The following CACNA1C variants were observed in gnomAD, a reference collection of about 807,000 sequenced individuals.
CACNA1C encodes the protein calcium voltage-gated channel subunit alpha1 C.
CACNA1C carries 30 observed loss-of-function variants against 229.0 expected under a neutral mutation model. The observed-to-expected ratio is 0.13, with a 90% CI of 0.10 to 0.18. The LOEUF is 0.18. Ranked by LOEUF, CACNA1C falls within the 10% of genes least tolerant of loss-of-function variation. The probability of loss-of-function intolerance (pLI) is 1.00; values close to 1 mark genes in which losing one functional copy is unlikely to be tolerated. For missense variants in CACNA1C, 1,658 were observed against 2,845.0 expected (o/e 0.58, Z 9.49); for synonymous variants, 1,114 against 1,132.5 (o/e 0.98, Z 0.33).
rs1273105848 is a variant in CACNA1C, at chr12:2,467,722, TC to T, written c.757+10018del. Among the ~76,000 whole-genome samples, 1 of 152,068 alleles carries T rather than the reference TC, an allele frequency of 6.6e-6. No individual in the cohort carries two copies. Among genetic ancestry groups the T allele is most frequent in the African/African-American group, 2.4e-5 (1 of 41,408 alleles). On this transcript the variant is annotated intron_variant, in intron 5 of 46. Coordinates refer to ENST00000399655, the MANE Select transcript of CACNA1C (RefSeq NM_000719.7). This position sits in a 1 kb window ranked among gnomAD's most constrained non-coding sequence, Gnocchi z 4.6. ...CAGGCCCACCCTCTCCCCCGGTGTC[TC>T]CTGATCTCCCAGTGTGGACGGTCTT...
At chr12:2,422,889 G>T (rs1480462579) in intron 3 of CACNA1C, among the ~76,000 whole-genome samples, 1 of 152,216 alleles carries the variant, frequency 6.6e-6, no homozygotes, top group African/African-American at 2.4e-5. Context: ...ACGCTGGCCA[G>T]GTCAGGGTGT....
intron 1 of CACNA1C, chr12:1,997,864 G>T: frequency 8.0e-7 from 1 of 1,256,556 alleles, no homozygotes; most frequent in Non-Finnish European, 1.1e-6. Flanking sequence ...TGCACTTGAA[G>T]AAGAGTGACA....
intron 30 of CACNA1C, among the ~76,000 whole-genome samples, chr12:2,643,780 C>T (rs1194120517): frequency 6.6e-6 from 1 of 152,172 alleles, no homozygotes; most frequent in Non-Finnish European, 1.5e-5. Flanking sequence ...ATGTCTCCAG[C>T]AGCCCCTGAC....
chr12:2,378,374 G>T (rs891951761), intron 3 of CACNA1C, among the ~76,000 whole-genome samples: 1 of 152,160 alleles, frequency 6.6e-6, no homozygotes, highest in African/African-American at 2.4e-5. Flanking sequence ...TCTGCAATCT[G>T]CAGTCTTTTA....
At chr12:2,125,506 T>C (rs1203606549) in intron 3 of CACNA1C, among the ~76,000 whole-genome samples, 3 of 151,950 alleles carry the variant, frequency 2.0e-5, no homozygotes, top group Non-Finnish European at 4.4e-5. Context: ...TTTTAAAAAA[T>C]TAAAGAATTG....
intron 5 of CACNA1C, among the ~76,000 whole-genome samples, chr12:2,471,043 G>C (rs2099589194): frequency 2.6e-5 from 4 of 152,164 alleles, no homozygotes; most frequent in Admixed American, 2.6e-4. Context: ...TGTTGGCCAG[G>C]CAGGTCTTGA....
At chr12:2,192,758 C>A (rs1339784891) in intron 3 of CACNA1C, among the ~76,000 whole-genome samples, 3 of 151,762 alleles carry the variant, frequency 2.0e-5, no homozygotes, top group African/African-American at 7.3e-5. Context: ...GCACTCCCCC[C>A]ACTCTCCCCC....
At chr12:2,052,608 C>T (rs2052539558), upstream of CACNA1C, among the ~76,000 whole-genome samples, 1 of 143,546 alleles carries the variant, frequency 7.0e-6, no homozygotes, top group African/African-American at 2.5e-5. Flanking sequence ...GGGGTGTGTC[C>T]GCGCCGCGGC....
chr12:2,150,416 G>A (rs2095133926), intron 3 of CACNA1C, among the ~76,000 whole-genome samples: 1 of 152,130 alleles, frequency 6.6e-6, no homozygotes, highest in Non-Finnish European at 1.5e-5. Flanking sequence ...ACAGAGTAGG[G>A]GAATTCCAGG....
chr12:2,419,845 G>A (rs186588294), intron 3 of CACNA1C, among the ~76,000 whole-genome samples: 173 of 152,280 alleles, frequency 1.1e-3, no homozygotes, highest in African/African-American at 4.0e-3. Context: ...ACGGGAGAGA[G>A]GGCAGCCAGT....
intron 3 of CACNA1C, among the ~76,000 whole-genome samples, chr12:2,434,795 C>G (rs556981911): frequency 7.9e-5 from 12 of 152,320 alleles, no homozygotes; most frequent in Non-Finnish European, 1.5e-4. Context: ...CATTTTCTCA[C>G]TCTGTCTTTT....
intron 3 of CACNA1C, among the ~76,000 whole-genome samples, chr12:2,138,475 G>A (rs1225365120): frequency 6.6e-6 from 1 of 151,180 alleles, no homozygotes; most frequent in African/African-American, 2.4e-5. Flanking sequence ...AGTTGGGCAC[G>A]GTTGATAGGG....
At chr12:2,120,070 A>G (rs2085855124) in intron 2 of CACNA1C, among the ~76,000 whole-genome samples, 1 of 152,230 alleles carries the variant, frequency 6.6e-6, no homozygotes, top group Non-Finnish European at 1.5e-5. Flanking sequence ...GGAGGGGAAC[A>G]AGTTTTTAGA....
chr12:2,243,392 G>C (rs1211966386), intron 3 of CACNA1C, among the ~76,000 whole-genome samples: 1 of 152,216 alleles, frequency 6.6e-6, no homozygotes, highest in African/African-American at 2.4e-5. Flanking sequence ...AAGCTGGGCT[G>C]TGCCTGAGGT....
At chr12:2,004,451 T>C (rs376554458) in intron 1 of CACNA1C, 16 of 1,596,928 alleles carry the variant, frequency 1.0e-5, no homozygotes, top group Non-Finnish European at 1.2e-5. Flanking sequence ...CTCCCAGACA[T>C]AGGCACGGGG....
At chr12:2,194,849 G>A (rs554316569) in intron 3 of CACNA1C, among the ~76,000 whole-genome samples, 6 of 152,264 alleles carry the variant, frequency 3.9e-5, no homozygotes, top group East Asian at 3.9e-4. Context: ...CCCTGCATCC[G>A]TATTGGAATA....
chr12:2,403,327 G>A lies in CACNA1C; in HGVS notation c.478-45649G>A, dbSNP rs927128106. On this transcript the variant is annotated intron_variant, in intron 3 of 46. Coordinates refer to ENST00000399655, the MANE Select transcript of CACNA1C (RefSeq NM_000719.7). This position sits in a 1 kb window ranked among gnomAD's most constrained non-coding sequence, Gnocchi z 4.1. ...TGACTAGCTGCTTGTGTCATTGGAC[G>A]AGTGACTTCCCCTCTTGTGTCAAGG... Among the ~76,000 whole-genome samples the A allele has an allele frequency of 2.6e-5, 4 of 152,138 alleles. No individual in the cohort carries two copies.
intron 3 of CACNA1C, among the ~76,000 whole-genome samples, chr12:2,374,615 C>T (rs771915958): frequency 6.6e-6 from 1 of 152,188 alleles, no homozygotes; most frequent in Non-Finnish European, 1.5e-5. Flanking sequence ...TGGCTTACAC[C>T]CACATAGCAG....
chr12:2,029,257 C>T lies in CACNA1C; in HGVS notation c.139+58056C>T, dbSNP rs1458318654. ...CATTCGTGGGGCCAATATGTTGATG[C>T]TGCATTTATAAATTTTTAAAAATTG... On this transcript the variant is annotated intron_variant, in intron 1 of 46. Transcript: ENST00000682462. The surrounding 1 kb of genome is among the most constrained non-coding windows in gnomAD (Gnocchi z 4.9). Among the ~76,000 whole-genome samples, 1 of 152,146 alleles carries T rather than the reference C, an allele frequency of 6.6e-6. No homozygotes were observed. The highest frequency in any genetic ancestry group is 2.4e-5 in the African/African-American group (1 of 41,428).
Sources: gnomAD v4.1 joint callset for allele counts (sites outside exome capture counted in the v4.1 genomes callset) on GRCh38, gnomAD v4.1.1 for gene constraint, Gnocchi (gnomAD v3.1) non-coding constraint, MANE v1.5 for transcripts, NCBI Gene and HGNC (gene_info 2026-07-23, HGNC 2026-07-21) for gene names.